Variants in SLCO3A1 observed in about 807,000 individuals in gnomAD.
SLCO3A1 encodes the protein solute carrier organic anion transporter family member 3A1.
In SLCO3A1, 27 loss-of-function variants were observed where a neutral mutation model predicts 63.1. The observed-to-expected ratio is 0.43, with a 90% CI of 0.32 to 0.59. The LOEUF (loss-of-function observed/expected upper bound fraction) is 0.59, where lower values mean the gene tolerates loss of function less well. Ranked by LOEUF, SLCO3A1 falls within the 20% of genes least tolerant of loss-of-function variation. SLCO3A1 has a pLI of 0.09. For synonymous variants in SLCO3A1, 473 were observed against 409.9 expected (o/e 1.15, Z -1.86); for missense variants, 773 against 945.8 (o/e 0.82, Z 2.40).
intron 2 of SLCO3A1, among the ~76,000 whole-genome samples, chr15:92,032,660 G>T (rs1373210867): frequency 6.6e-6 from 1 of 152,118 alleles, no homozygotes; most frequent in African/African-American, 2.4e-5. Flanking sequence ...CGGTGATTGG[G>T]TAGGTTGGAG....
Position 91,855,450 on chromosome 15 carries a change from T to C in SLCO3A1, c.180+1362T>C, listed in dbSNP as rs540641996. Among the ~76,000 whole-genome samples, 142 of 152,332 alleles carry C rather than the reference T, an allele frequency of 9.3e-4. 1 individual carries two copies. Among genetic ancestry groups the C allele is most frequent in the African/African-American group, 3.3e-3 (139 of 41,570 alleles). On this transcript the variant is annotated intron_variant, in intron 1 of 9. Coordinates refer to ENST00000318445, the MANE Select transcript of SLCO3A1 (RefSeq NM_013272.4). ...AAATCAAATACATTTCTGTTGCTCA[T>C]TCTGAGACGAAAAGCGTTTACATCC... is the stretch of plus-strand genomic sequence containing the variant.
chr15:91,986,941 G>A (rs144349127), intron 2 of SLCO3A1, among the ~76,000 whole-genome samples: 5 of 152,250 alleles, frequency 3.3e-5, no homozygotes, highest in Middle Eastern at 3.4e-3. Flanking sequence ...AGCTGTCAGC[G>A]GTCAAGAGAG....
intron 2 of SLCO3A1, among the ~76,000 whole-genome samples, chr15:91,972,996 T>C (rs573041268): frequency 3.3e-4 from 50 of 152,300 alleles, no homozygotes; most frequent in African/African-American, 1.1e-3. Context: ...TGGCATGCAC[T>C]TGTAGTCCCA....
At chr15:91,965,721 G>GGTGTGT (rs35543509) in intron 2 of SLCO3A1, among the ~76,000 whole-genome samples, 3,559 of 147,590 alleles carry the variant, frequency 0.024, 136 homozygotes, top group African/African-American at 0.084. Flanking sequence ...CAGCCAGCAG[G>GGTGTGT]GTGTGTGTGT....
At chr15:92,160,256 A>T (rs1164326649) in intron 9 of SLCO3A1, among the ~76,000 whole-genome samples, 1 of 152,136 alleles carries the variant, frequency 6.6e-6, no homozygotes, top group Non-Finnish European at 1.5e-5. Context: ...AGTTCCATTT[A>T]TCTCTAGGTC....
intron 2 of SLCO3A1, among the ~76,000 whole-genome samples, chr15:92,053,622 G>A (rs867622276): frequency 6.6e-6 from 1 of 151,648 alleles, no homozygotes; most frequent in Non-Finnish European, 1.5e-5. Flanking sequence ...ACAGCGTTGA[G>A]GAGTACTGGT....
intron 1 of SLCO3A1, among the ~76,000 whole-genome samples, chr15:91,911,374 C>T (rs1214324322): frequency 6.6e-6 from 1 of 152,118 alleles, no homozygotes; most frequent in African/African-American, 2.4e-5. Context: ...TCAGTGTCAC[C>T]AGGTAGCTTG....
chr15:92,013,134 T>C (rs1179027100), intron 2 of SLCO3A1, among the ~76,000 whole-genome samples: 1 of 152,210 alleles, frequency 6.6e-6, no homozygotes, highest in Non-Finnish European at 1.5e-5. Flanking sequence ...GCTTTGCATG[T>C]GGCAGACCTT....
At chr15:92,144,225 A>G (rs2048190365) in intron 7 of SLCO3A1, among the ~76,000 whole-genome samples, 1 of 152,216 alleles carries the variant, frequency 6.6e-6, no homozygotes. Context: ...CAGGAGGAAA[A>G]CAAAGGTTTA....
intron 2 of SLCO3A1, among the ~76,000 whole-genome samples, chr15:91,924,055 A>G (rs1225530427): frequency 1.3e-5 from 2 of 152,222 alleles, no homozygotes; most frequent in South Asian, 2.1e-4. Flanking sequence ...ACTTTTTCCA[A>G]AAGATAAATG....
At chr15:92,004,234 G>C (rs781592339) in intron 2 of SLCO3A1, among the ~76,000 whole-genome samples, 1 of 152,200 alleles carries the variant, frequency 6.6e-6, no homozygotes, top group African/African-American at 2.4e-5. Context: ...GACCTGGACA[G>C]GTTCTAGGCT....
chr15:92,106,407 T>C (rs1415876916), intron 4 of SLCO3A1, among the ~76,000 whole-genome samples: 3 of 152,062 alleles, frequency 2.0e-5, no homozygotes, highest in Non-Finnish European at 4.4e-5. Context: ...TGCCTGCGAC[T>C]CCCCTAGTAG....
chr15:91,940,962 CCTTTGCCCTTGGG>C (rs1209196920), intron 2 of SLCO3A1, among the ~76,000 whole-genome samples: 2 of 152,128 alleles, frequency 1.3e-5, no homozygotes, highest in African/African-American at 4.8e-5. Flanking sequence ...GCCCCCTTGA[CCTTTGCCCTTGGG>C]CTTTGCCACC....
At chr15:92,011,305 A>G (rs1480857059) in intron 2 of SLCO3A1, among the ~76,000 whole-genome samples, 2 of 152,206 alleles carry the variant, frequency 1.3e-5, no homozygotes, top group Non-Finnish European at 1.5e-5. Flanking sequence ...GGTAATTAGC[A>G]TAGCTCTTAC....
At chr15:92,093,633 G>A (rs184704519) in intron 2 of SLCO3A1, among the ~76,000 whole-genome samples, 167 of 152,304 alleles carry the variant, frequency 1.1e-3, no homozygotes, top group African/African-American at 3.9e-3. Context: ...GTTCGGAGGA[G>A]GGAAAGCTTC....
intron 4 of SLCO3A1, among the ~76,000 whole-genome samples, chr15:92,118,120 GTGTATTAATACAA>G (rs1156473503): frequency 6.6e-6 from 1 of 152,214 alleles, no homozygotes; most frequent in Non-Finnish European, 1.5e-5. Context: ...GAGGGTATAA[GTGTATTAATACAA>G]TGGACTTGAA....
At chr15:91,946,059 G>A (rs923441692) in intron 2 of SLCO3A1, among the ~76,000 whole-genome samples, 2 of 152,224 alleles carry the variant, frequency 1.3e-5, no homozygotes, top group African/African-American at 4.8e-5. Context: ...CGAAGTAAAA[G>A]CATCAGGCAT....
intron 2 of SLCO3A1, among the ~76,000 whole-genome samples, chr15:92,070,454 C>A (rs1271165398): frequency 2.0e-5 from 3 of 152,158 alleles, no homozygotes; most frequent in African/African-American, 7.2e-5. Context: ...ACCAGCCTGG[C>A]CCACATGGGG....
At chr15:92,166,858 G>T (rs1474630550), downstream of SLCO3A1, among the ~76,000 whole-genome samples, 1 of 152,164 alleles carries the variant, frequency 6.6e-6, no homozygotes, top group Non-Finnish European at 1.5e-5. Context: ...GCCGCCTGCT[G>T]CTTCCGGTCC....
Sources: allele counts gnomAD v4.1 joint callset (sites outside exome capture counted in the v4.1 genomes callset), GRCh38; gene constraint gnomAD v4.1.1; transcripts MANE v1.5; gene names NCBI Gene and HGNC (gene_info 2026-07-23, HGNC 2026-07-21).